The following GAD1 variants were observed in gnomAD, a reference collection of about 807,000 sequenced individuals.
The protein encoded by GAD1 is glutamate decarboxylase 1, also known as 67 kDa glutamic acid decarboxylase.
In GAD1, 35 loss-of-function variants were observed where a neutral mutation model predicts 75.2. That is an observed-to-expected ratio of 0.47 (90% CI 0.36 to 0.62). The LOEUF (loss-of-function observed/expected upper bound fraction) is 0.62. Ranked by LOEUF, GAD1 falls within the 20% of genes least tolerant of loss-of-function variation. The pLI, the probability that GAD1 is intolerant of heterozygous loss-of-function variation, is 0.00. For missense variants in GAD1, 490 were observed against 758.5 expected (o/e 0.65, Z 4.16); for synonymous variants, 257 against 271.9 (o/e 0.95, Z 0.54).
At chr2:170,820,300 G>C (rs888738456) in intron 2 of GAD1, among the ~76,000 whole-genome samples, 1 of 152,218 alleles carries the variant, frequency 6.6e-6, no homozygotes, top group African/African-American at 2.4e-5. Context: ...CAACAGAGGC[G>C]ATGACCTGAA....
chr2:170,846,854 A>T (rs958430558), intron 10 of GAD1, among the ~76,000 whole-genome samples: 2 of 152,170 alleles, frequency 1.3e-5, no homozygotes, highest in African/African-American at 2.4e-5. Flanking sequence ...AAAAAATTTT[A>T]AAAAATAGCC....
At chr2:170,830,805 T>C (rs1702201560) in intron 4 of GAD1, 145 bp from the exon 5 acceptor site, 1 of 997,114 alleles carries the variant, frequency 1.0e-6, no homozygotes, top group Admixed American at 2.3e-5. Context: ...TCTGGAGATG[T>C]GGTATATCCG....
rs891237342 is a variant in GAD1 at position 170,818,315 on chromosome 2, G to A, written c.-63-214G>A. ...AGACTCGAGAGCGGCCCAGGGCTACGCTCCCTGCGCCCCAGTACCGGAGCT... is the reference window on the plus strand; with the variant it reads ...AGACTCGAGAGCGGCCCAGGGCTACACTCCCTGCGCCCCAGTACCGGAGCT... On this transcript the variant is annotated intron_variant, in intron 1 of 16. Coordinates refer to ENST00000358196, the MANE Select transcript of GAD1 (RefSeq NM_000817.3). This position sits in a 1 kb window ranked among gnomAD's most constrained non-coding sequence, Gnocchi z 5.9. The A allele has an allele frequency of 1.5e-5, 6 of 394,904 alleles. No homozygotes were observed. The highest frequency in any genetic ancestry group is 2.9e-5 in the Non-Finnish European group (6 of 207,884). 24.5% of individuals were successfully genotyped at this position (394,904 alleles called of 1,614,324 possible).
chr2:170,846,240 A>G (rs1702630188), intron 10 of GAD1, among the ~76,000 whole-genome samples, 177 bp downstream of exon 10: 2 of 152,250 alleles, frequency 1.3e-5, no homozygotes, highest in African/African-American at 4.8e-5. Context: ...TCTACACAAT[A>G]TCAGGGTTTT....
intron 6 of GAD1, among the ~76,000 whole-genome samples, chr2:170,840,240 A>G (rs1402142909): frequency 3.3e-5 from 5 of 152,120 alleles, no homozygotes; most frequent in African/African-American, 9.7e-5. Flanking sequence ...TGCACCTAGG[A>G]AAGGCAACCA....
At chr2:170,850,503 G>C (rs1247775700) in intron 12 of GAD1, among the ~76,000 whole-genome samples, 2 of 152,214 alleles carry the variant, frequency 1.3e-5, no homozygotes, top group Non-Finnish European at 2.9e-5. Context: ...AGAGGCCATT[G>C]GGGCTGGAGC....
At chr2:170,852,957 G>A (rs778520554) in intron 13 of GAD1, 165 bp downstream of exon 13, 5 of 702,654 alleles carry the variant, frequency 7.1e-6, no homozygotes, top group African/African-American at 1.8e-5. Flanking sequence ...AGCTAACCTG[G>A]TTTCTTCTCT....
At chr2:170,847,909 T>C in intron 11 of GAD1, 117 bp downstream of exon 11, 1 of 777,114 alleles carries the variant, frequency 1.3e-6, no homozygotes, top group Non-Finnish European at 2.3e-6. Flanking sequence ...CCACATTAGT[T>C]CCAGTTCTTG....
chr2:170,835,074 A>G (rs1702338625), intron 5 of GAD1, among the ~76,000 whole-genome samples: 1 of 152,078 alleles, frequency 6.6e-6, no homozygotes, highest in Admixed American at 6.6e-5. Context: ...GCCTGGCCCA[A>G]TATTCATTCT....
intron 5 of GAD1, among the ~76,000 whole-genome samples, chr2:170,831,697 A>T (rs1280703319): frequency 1.4e-5 from 2 of 142,034 alleles, no homozygotes; most frequent in South Asian, 2.1e-4. Flanking sequence ...AATAAATAAT[A>T]ATTATAAATA....
At chr2:170,828,276 T>TTCCCTCTGCCGTCCTCACCTCTCC (rs879567602) in intron 3 of GAD1, among the ~76,000 whole-genome samples, 1,085 of 81,126 alleles carry the variant, frequency 0.013, 74 homozygotes, top group African/African-American at 0.038. Flanking sequence ...ACCCCTCCCC[T>TTCCCTCTGCCGTCCTCACCTCTCC]TCCCTCTGCT....
At chr2:170,843,419 T>A (rs1471494784) in intron 6 of GAD1, among the ~76,000 whole-genome samples, 1 of 152,230 alleles carries the variant, frequency 6.6e-6, no homozygotes. Context: ...AGATATTGAC[T>A]TCAGAGAATT....
Position 170,832,682 on chromosome 2 carries a change from A to G in GAD1, c.547+1490A>G, listed in dbSNP as rs532987688. ...CGCGCGCGCACACACACACACACAC[A>G]CACACACACACACATACACACATGC... On this transcript the variant is annotated intron_variant, in intron 5 of 16. Coordinates refer to ENST00000358196, the MANE Select transcript of GAD1 (RefSeq NM_000817.3). Among the ~76,000 whole-genome samples the G allele has an allele frequency of 4.8e-4, 73 of 152,170 alleles. 1 individual carries two copies. Among genetic ancestry groups the G allele is most frequent in the African/African-American group, 1.7e-3 (71 of 41,520 alleles).
At chr2:170,843,934 C>G in intron 6 of GAD1, 111 bp from the exon 7 acceptor site, 1 of 710,864 alleles carries the variant, frequency 1.4e-6, no homozygotes, top group Non-Finnish European at 2.6e-6. Flanking sequence ...TGGTTTGGAA[C>G]AGCTTTTTTT....
intron 6 of GAD1, among the ~76,000 whole-genome samples, chr2:170,839,075 C>T (rs1702440168): frequency 6.6e-6 from 1 of 152,180 alleles, no homozygotes; most frequent in African/African-American, 2.4e-5. Flanking sequence ...TCCCTTGTGA[C>T]AATTCCTTCT....
intron 3 of GAD1, among the ~76,000 whole-genome samples, chr2:170,825,850 T>G (rs1441712003): frequency 6.6e-6 from 1 of 152,230 alleles, no homozygotes; most frequent in African/African-American, 2.4e-5. Context: ...AGGCTTAAAC[T>G]AGGTCCTCGA....
intron 12 of GAD1, among the ~76,000 whole-genome samples, chr2:170,852,315 C>G (rs923442789): frequency 5.9e-5 from 9 of 152,130 alleles, no homozygotes; most frequent in African/African-American, 2.2e-4. Context: ...CACACACTCC[C>G]CATTTAAAAG....
At chr2:170,822,296 C>G in intron 3 of GAD1, 147 bp downstream of exon 3, 1 of 740,362 alleles carries the variant, frequency 1.4e-6, no homozygotes, top group South Asian at 1.6e-5. Flanking sequence ...CCAGCGACCA[C>G]GCTCCCCTAC....
chr2:170,823,523 C>T (rs1373452945), intron 3 of GAD1, among the ~76,000 whole-genome samples: 6 of 152,204 alleles, frequency 3.9e-5, no homozygotes, highest in African/African-American at 1.4e-4. Flanking sequence ...TGCCGCCGGG[C>T]GGCCTGGGAG....
Sources: gnomAD v4.1 joint callset for allele counts (sites outside exome capture counted in the v4.1 genomes callset) on GRCh38, gnomAD v4.1.1 for gene constraint, Gnocchi (gnomAD v3.1) non-coding constraint, MANE v1.5 for transcripts, NCBI Gene and HGNC (gene_info 2026-07-23, HGNC 2026-07-21) for gene names.